The following ADAMTSL1 variants were observed in gnomAD, a reference collection of about 807,000 sequenced individuals.
ADAMTSL1 encodes the protein ADAMTS like 1.
Under a neutral mutation model 201.8 loss-of-function variants are expected in ADAMTSL1, and 126 were observed. That is an observed-to-expected ratio of 0.62 (90% CI 0.54 to 0.72). The LOEUF (loss-of-function observed/expected upper bound fraction) is 0.72. Ranked by LOEUF, ADAMTSL1 falls within the 30% of genes least tolerant of loss-of-function variation. The pLI is 0.00. For missense variants in ADAMTSL1, 2,679 were observed against 2,277.8 expected, an observed-to-expected ratio of 1.18 and a Z score of -3.59; for synonymous variants, 1,121 against 903.4, an observed-to-expected ratio of 1.24 and a Z score of -4.32.
intron 9 of ADAMTSL1, among the ~76,000 whole-genome samples, chr9:18,663,721 G>GA (rs140407451): frequency 6.6e-6 from 1 of 151,544 alleles, no homozygotes; most frequent in South Asian, 2.1e-4. Flanking sequence ...TTTCCACAAA[G>GA]AAAAAAAATG....
chr9:18,403,882 T>C (rs1020529922), intron 2 of ADAMTSL1, among the ~76,000 whole-genome samples: 20 of 152,276 alleles, frequency 1.3e-4, no homozygotes, highest in South Asian at 2.1e-4. Context: ...TATGTTAACT[T>C]TGAGGGCCTG....
chr9:17,948,659 T>A (rs1378189630), intron 1 of ADAMTSL1, among the ~76,000 whole-genome samples: 1 of 152,180 alleles, frequency 6.6e-6, no homozygotes, highest in Non-Finnish European at 1.5e-5. Flanking sequence ...GTGTCTCCCA[T>A]GCTAATAGAT....
intron 1 of ADAMTSL1, among the ~76,000 whole-genome samples, chr9:17,939,625 C>G (rs1001010710): frequency 3.9e-5 from 6 of 152,012 alleles, no homozygotes; most frequent in Non-Finnish European, 8.8e-5. Context: ...CTATATGAAT[C>G]TTGCTGGGAT....
chr9:17,967,354 A>T (rs1197032560), intron 1 of ADAMTSL1, among the ~76,000 whole-genome samples: 1 of 152,088 alleles, frequency 6.6e-6, no homozygotes, highest in Non-Finnish European at 1.5e-5. Flanking sequence ...TCTTTTGCCA[A>T]TTCAATTTGC....
intron 1 of ADAMTSL1, among the ~76,000 whole-genome samples, chr9:18,099,652 T>C (rs1200887416): frequency 4.2e-5 from 6 of 141,730 alleles, no homozygotes; most frequent in South Asian, 4.4e-4. Flanking sequence ...TTTTTTTTTT[T>C]CTTGAGATGG....
At chr9:18,269,158 ATAAAG>A (rs961753015) in intron 2 of ADAMTSL1, among the ~76,000 whole-genome samples, 20 of 152,270 alleles carry the variant, frequency 1.3e-4, no homozygotes, top group African/African-American at 4.8e-4. Flanking sequence ...AGACTATTCT[ATAAAG>A]TAATGTGATA....
At chr9:18,283,103 G>C (rs977121518) in intron 2 of ADAMTSL1, among the ~76,000 whole-genome samples, 2 of 151,874 alleles carry the variant, frequency 1.3e-5, no homozygotes, top group African/African-American at 4.8e-5. Context: ...CTTAATTTTT[G>C]CTTCATTTGT....
chr9:18,597,121 G>A (rs545836267), intron 4 of ADAMTSL1, among the ~76,000 whole-genome samples: 11 of 152,278 alleles, frequency 7.2e-5, no homozygotes, highest in South Asian at 6.2e-4. Context: ...ATGGAGCAAC[G>A]AGTCAATAAA....
chr9:18,703,701 CAT>C (rs72258520), intron 13 of ADAMTSL1, among the ~76,000 whole-genome samples: 2,696 of 78,734 alleles, frequency 0.034, 127 homozygotes, highest in East Asian at 0.097. Context: ...TGCGCACATA[CAT>C]ATATATATAT....
chr9:18,169,531 T>A (rs1488183376), intron 2 of ADAMTSL1, among the ~76,000 whole-genome samples: 5 of 152,258 alleles, frequency 3.3e-5, no homozygotes, highest in Non-Finnish European at 5.9e-5. Context: ...TACTGTAGCC[T>A]TGTAGTATAG....
chr9:18,767,983 T>C (rs1820462105), intron 16 of ADAMTSL1, among the ~76,000 whole-genome samples: 1 of 152,244 alleles, frequency 6.6e-6, no homozygotes, highest in African/African-American at 2.4e-5. Flanking sequence ...CTTCATGGCA[T>C]TGTCTAAGAG....
chr9:18,301,670 GA>G (rs1340185210), intron 2 of ADAMTSL1, among the ~76,000 whole-genome samples: 4 of 152,100 alleles, frequency 2.6e-5, no homozygotes, highest in African/African-American at 9.7e-5. Flanking sequence ...TCTGGTAACT[GA>G]AAAGAAAAGT....
At chr9:18,753,820 G>T (rs986097473) in intron 16 of ADAMTSL1, among the ~76,000 whole-genome samples, 1 of 152,180 alleles carries the variant, frequency 6.6e-6, no homozygotes, top group Admixed American at 6.5e-5. Flanking sequence ...AGACAATGTG[G>T]TGGGTTTGCC....
intron 13 of ADAMTSL1, among the ~76,000 whole-genome samples, chr9:18,701,289 A>G (rs190363759): frequency 5.3e-4 from 76 of 142,980 alleles, no homozygotes; most frequent in African/African-American, 1.9e-3. Flanking sequence ...GCAAGATCTC[A>G]GCTCACTGCA....
At position 18,043,201 on chromosome 9, in the gene ADAMTSL1, A is replaced by T. The variant is rs536212539; in HGVS notation, c.88-120661A>T. 7.6e-4 allele frequency among the ~76,000 whole-genome samples: 115 copies of T among 152,242 alleles called. 1 individual carries two copies. Among genetic ancestry groups the T allele is most frequent in the Non-Finnish European group, 7.4e-5 (5 of 68,010 alleles). On this transcript the variant is annotated intron_variant, in intron 1 of 29. Coordinates refer to the ADAMTSL1 transcript ENST00000680146. ...GGACTGCAATATCTGAATGTGTGGC[A>T]GGGAGATCTGTGTGTGTTTTTTGGA...
chr9:18,287,070 A>T (rs1214485077), intron 2 of ADAMTSL1, among the ~76,000 whole-genome samples: 2 of 152,160 alleles, frequency 1.3e-5, no homozygotes, highest in African/African-American at 4.8e-5. Flanking sequence ...TTCTTCTGTT[A>T]TATGTCTGCC....
At position 18,853,887 on chromosome 9, in the gene ADAMTSL1, C is replaced by CTGTGTGTGTGTG. The variant is rs529993480; in HGVS notation, c.4249+23911_4249+23912insGTGTGTGTGTGT. ...CCTGTGGAGTCTACTTGTATTCACT[C>CTGTGTGTGTGTG]TCTGTGTGTGTGTGTGTGTGTGTGT... On this transcript the variant is annotated intron_variant, in intron 23 of 28. Coordinates refer to ENST00000380548, the MANE Select transcript of ADAMTSL1 (RefSeq NM_001040272.6). Among the ~76,000 whole-genome samples the CTGTGTGTGTGTG allele has an allele frequency of 2.7e-3, 215 of 80,872 alleles. 2 individuals carry two copies. The highest frequency in any genetic ancestry group is 7.3e-3 in the East Asian group (18 of 2,476). The allele number at this position is 80,872 out of a possible 152,430, so 53.1% of individuals were successfully genotyped here. A position where few individuals can be genotyped will look rare whatever the true frequency, so the allele number is the denominator to read the frequency against.
At chr9:18,892,831 A>C (rs1270234224) in intron 26 of ADAMTSL1, among the ~76,000 whole-genome samples, 1 of 152,128 alleles carries the variant, frequency 6.6e-6, no homozygotes, top group Non-Finnish European at 1.5e-5. Context: ...GGCAGTCAGC[A>C]ACTCAAAACA....
intron 22 of ADAMTSL1, among the ~76,000 whole-genome samples, chr9:18,828,696 A>ATATATT (rs1384860090): frequency 1.2e-4 from 11 of 91,058 alleles, no homozygotes; most frequent in South Asian, 1.2e-3. Flanking sequence ...ATATATATAA[A>ATATATT]ATGTGTGTGT....
Sources: gnomAD v4.1 joint callset for allele counts (sites outside exome capture counted in the v4.1 genomes callset) on GRCh38, gnomAD v4.1.1 for gene constraint, MANE v1.5 for transcripts, NCBI Gene and HGNC (gene_info 2026-07-23, HGNC 2026-07-21) for gene names.